RCAN3: variants seen among roughly 807,000 people sequenced by gnomAD.
The protein encoded by RCAN3 is calcipressin-3.
In RCAN3, 19 loss-of-function variants were observed where a neutral mutation model predicts 21.9. The ratio of observed to expected loss-of-function variants is 0.87; its 90% confidence interval spans 0.61 to 1.27. The LOEUF (loss-of-function observed/expected upper bound fraction) is 1.27, where lower values mean the gene tolerates loss of function less well. RCAN3 is among the 50% of genes most tolerant of loss of function. The pLI is 0.00. For synonymous variants in RCAN3, 114 were observed against 112.3 expected (o/e 1.01, Z -0.09); for missense variants, 240 against 300.1 (o/e 0.80, Z 1.48).
At chr1:24,519,800 A>G (rs1276831558) in intron 2 of RCAN3, among the ~76,000 whole-genome samples, 1 of 152,234 alleles carries the variant, frequency 6.6e-6, no homozygotes, top group African/African-American at 2.4e-5. Flanking sequence ...ATGCAATGCT[A>G]TGATCGAGAA....
At chr1:24,528,970 A>G (rs906180775) in intron 2 of RCAN3, among the ~76,000 whole-genome samples, 1 of 152,250 alleles carries the variant, frequency 6.6e-6, no homozygotes, top group Non-Finnish European at 1.5e-5. Context: ...TCAAAGGATT[A>G]CTATCACTGT....
intron 1 of RCAN3, among the ~76,000 whole-genome samples, chr1:24,505,225 C>CTTTTTTTTTTTT (rs1351108344): frequency 4.6e-5 from 5 of 109,564 alleles, no homozygotes; most frequent in Admixed American, 9.5e-5. Flanking sequence ...TTTTTTTTCT[C>CTTTTTTTTTTTT]TTTTTTCTTT....
intron 3 of RCAN3, among the ~76,000 whole-genome samples, chr1:24,532,881 G>A (rs949663017): frequency 1.4e-5 from 2 of 146,398 alleles, no homozygotes; most frequent in African/African-American, 5.2e-5. Context: ...CCCGGGAGGT[G>A]GAGTTTGCAG....
At position 24,540,863 on chromosome 1, in the gene RCAN3, T is replaced by C. The variant is rs1650453443; in HGVS notation, c.*5586T>C. The C allele has an allele frequency of 6.6e-6, 1 of 152,202 alleles. No individual in the cohort carries two copies. Among genetic ancestry groups the C allele is most frequent in the East Asian group, 1.9e-4 (1 of 5,198 alleles). The allele number at this position is 152,202 out of a possible 1,614,324, so 9.4% of individuals were successfully genotyped here. A position where few individuals can be genotyped will look rare whatever the true frequency, so the allele number is the denominator to read the frequency against. On this transcript the variant is annotated 3_prime_UTR_variant, in exon 5 of 5. Coordinates refer to ENST00000374395, the MANE Select transcript of RCAN3 (RefSeq NM_013441.4). Reference sequence around the variant, plus strand: ...TGTGCTTGAAGTGACAATCCATAGTTTGTAGTAGTTTGTTATTTGTCAACT... The same window carrying C: ...TGTGCTTGAAGTGACAATCCATAGTCTGTAGTAGTTTGTTATTTGTCAACT...
chr1:24,514,959 ACT>A (rs1354108084), intron 2 of RCAN3, among the ~76,000 whole-genome samples: 15 of 122,380 alleles, frequency 1.2e-4, no homozygotes, highest in East Asian at 3.0e-4. Flanking sequence ...ACAGAGTGAG[ACT>A]CTGTCTCAAA....
chr1:24,502,438 C>T (rs1177719630), upstream of RCAN3: 4 of 152,524 alleles, frequency 2.6e-5, no homozygotes, highest in Non-Finnish European at 5.9e-5. Flanking sequence ...ATATCCGGGC[C>T]GCCGGTTGCC....
At chr1:24,507,483 G>A (rs138365780) in intron 1 of RCAN3, 7 of 152,320 alleles carry the variant, frequency 4.6e-5, no homozygotes, top group African/African-American at 9.6e-5. Flanking sequence ...CACTGTGAGC[G>A]GGAAACTATG....
chr1:24,504,852 T>C (rs186278803), intron 1 of RCAN3, among the ~76,000 whole-genome samples: 156 of 152,346 alleles, frequency 1.0e-3, no homozygotes, highest in East Asian at 5.8e-4. Flanking sequence ...ATATCTCAAC[T>C]TCAGTTATTC....
rs61343855 is a variant in RCAN3, at chr1:24,518,316, G to T, written c.195+3749G>T. 2.9e-3 allele frequency among the ~76,000 whole-genome samples: 436 copies of T among 152,174 alleles called. 2 individuals carry two copies. Among genetic ancestry groups the T allele is most frequent in the African/African-American group, 0.01 (424 of 41,504 alleles). ...CTTTGCTCTAGATCATTAGATTTTG[G>T]CTCTATGTTTTTATCAATATTTCTT... On this transcript the variant is annotated intron_variant, in intron 2 of 4. Transcript: ENST00000374395.
intron 1 of RCAN3, among the ~76,000 whole-genome samples, chr1:24,513,582 G>A (rs1025025586): frequency 2.6e-5 from 4 of 152,194 alleles, no homozygotes; most frequent in East Asian, 3.9e-4. Context: ...GCTTGAACCC[G>A]GGAGGCGGAG....
At chr1:24,535,025 A>T in intron 4 of RCAN3, 68 bp from the exon 5 acceptor site, 1 of 1,500,466 alleles carries the variant, frequency 6.7e-7, no homozygotes, top group Non-Finnish European at 8.9e-7. Context: ...AAAAAGTTGC[A>T]AGGGACAAAA....
rs1360031830 is a variant in RCAN3 at position 24,536,327 on chromosome 1, T to A, written c.*1050T>A. 1 of 152,244 alleles carries A rather than the reference T, an allele frequency of 6.6e-6. No individual in the cohort carries two copies. Among genetic ancestry groups the A allele is most frequent in the Non-Finnish European group, 1.5e-5 (1 of 68,030 alleles). The allele number at this position is 152,244 out of a possible 1,614,324, so 9.4% of individuals were successfully genotyped here. A position where few individuals can be genotyped will look rare whatever the true frequency, so the allele number is the denominator to read the frequency against. Reference sequence around the variant, plus strand: ...ACAAAAGTCACACCTACTATTTTTCTATGAATTAGGGAATGAGGGGGAGAT... The same window carrying A: ...ACAAAAGTCACACCTACTATTTTTCAATGAATTAGGGAATGAGGGGGAGAT... On this transcript the variant is annotated 3_prime_UTR_variant, in exon 5 of 5. Coordinates refer to ENST00000374395, the MANE Select transcript of RCAN3 (RefSeq NM_013441.4).
At chr1:24,523,015 A>G (rs529234006) in intron 2 of RCAN3, among the ~76,000 whole-genome samples, 1 of 152,036 alleles carries the variant, frequency 6.6e-6, no homozygotes, top group South Asian at 2.1e-4. Context: ...AAGTGGTCAA[A>G]TATCAGCATT....
At chr1:24,526,700 T>G (rs1240497111) in intron 2 of RCAN3, among the ~76,000 whole-genome samples, 2 of 152,244 alleles carry the variant, frequency 1.3e-5, no homozygotes, top group African/African-American at 4.8e-5. Context: ...TCTTTCTTAA[T>G]TAGTTCTTCC....
rs897678312 is a variant in RCAN3 at position 24,535,342 on chromosome 1, G to A, written c.*65G>A. 3.7e-5 allele frequency: 55 copies of A among 1,475,816 alleles called. No individual in the cohort carries two copies. In the Admixed American group the frequency reaches 4.5e-4, roughly 12 times the overall value. 91.4% of individuals were successfully genotyped at this position (1,475,816 alleles called of 1,614,324 possible). A position where few individuals can be genotyped will look rare whatever the true frequency, so the allele number is the denominator to read the frequency against. On this transcript the variant is annotated 3_prime_UTR_variant, in exon 5 of 5. Coordinates refer to ENST00000374395, the MANE Select transcript of RCAN3 (RefSeq NM_013441.4). ...TCTGGCCATGGCGCTCTGTGCCTGC[G>A]GCCGATGCGTTGCTGCGAACAGCAT...
chr1:24,531,395 C>T lies in RCAN3; in HGVS notation c.369+4C>T. 2 of 1,599,652 alleles carry T rather than the reference C, an allele frequency of 1.3e-6. No homozygotes were observed. The highest frequency in any genetic ancestry group is 1.7e-6 in the Non-Finnish European group (2 of 1,172,594). On this transcript the variant is annotated splice_donor_region_variant and intron_variant, in intron 3 of 4. Transcript: ENST00000374395. ...GCTAAAGCTATATTTTGCACAGGTA[C>T]TTCACCGTGCAGAGAACACTGTTCT...
At position 24,536,268 on chromosome 1, in the gene RCAN3, T is replaced by C. The variant is rs1446036072; in HGVS notation, c.*991T>C. The C allele has an allele frequency of 1.3e-5, 2 of 152,230 alleles. No individual in the cohort carries two copies. The highest frequency in any genetic ancestry group is 4.8e-5 in the African/African-American group (2 of 41,466). The allele number at this position is 152,230 out of a possible 1,614,324, so 9.4% of individuals were successfully genotyped here. A position where few individuals can be genotyped will look rare whatever the true frequency, so the allele number is the denominator to read the frequency against. On this transcript the variant is annotated 3_prime_UTR_variant, in exon 5 of 5. Coordinates refer to ENST00000374395, the MANE Select transcript of RCAN3 (RefSeq NM_013441.4). The stretch of plus-strand genomic sequence containing the variant: ...AGGTTTTCTGAAGACCATTTGTAAA[T>C]TGTCCATTTAACCATTTTTCAGCTT...
intron 1 of RCAN3, among the ~76,000 whole-genome samples, chr1:24,510,866 C>A (rs1035796270): frequency 2.6e-5 from 4 of 152,170 alleles, no homozygotes; most frequent in African/African-American, 4.8e-5. Context: ...AGGATGCTTC[C>A]TTTCACTTGA....
chr1:24,531,167 C>CTT (rs374808456), intron 2 of RCAN3, 51 bp from the exon 3 acceptor site: 237 of 1,001,090 alleles, frequency 2.4e-4, no homozygotes, highest in East Asian at 4.1e-4. Context: ...AAAGGTTTTT[C>CTT]TTTTTTTTTT....
Sources: allele counts gnomAD v4.1 joint callset (sites outside exome capture counted in the v4.1 genomes callset), GRCh38; gene constraint gnomAD v4.1.1; transcripts MANE v1.5; gene names NCBI Gene and HGNC (gene_info 2026-07-23, HGNC 2026-07-21).